Variants in SCLT1 observed in about 807,000 individuals in gnomAD.
SCLT1 encodes the protein sodium channel and clathrin linker 1.
SCLT1 carries 78 observed loss-of-function variants against 112.8 expected under a neutral mutation model. The ratio of observed to expected loss-of-function variants is 0.69; its 90% CI spans 0.58 to 0.83. SCLT1 has a LOEUF of 0.83. SCLT1 is among the 40% of genes least tolerant of loss of function. The pLI is 0.00. For synonymous variants in SCLT1, 257 were observed against 254.7 expected (o/e 1.01, Z -0.09); for missense variants, 747 against 770.4 (o/e 0.97, Z 0.36).
chr4:128,921,628 T>A (rs897711769), intron 18 of SCLT1, among the ~76,000 whole-genome samples: 21 of 152,060 alleles, frequency 1.4e-4, no homozygotes, highest in Admixed American at 5.2e-4. Context: ...ACCCCTAATA[T>A]CATATACACA....
chr4:128,915,906 G>A (rs1410574795), intron 18 of SCLT1, among the ~76,000 whole-genome samples: 1 of 152,222 alleles, frequency 6.6e-6, no homozygotes, highest in African/African-American at 2.4e-5. Context: ...TGACAGTGAT[G>A]AATGCTAGGA....
At chr4:129,067,598 C>T (rs1006457642) in intron 2 of SCLT1, among the ~76,000 whole-genome samples, 2 of 152,040 alleles carry the variant, frequency 1.3e-5, no homozygotes, top group African/African-American at 4.8e-5. Context: ...GCAACAGCCA[C>T]CTCCCTGGTT....
intron 1 of SCLT1, among the ~76,000 whole-genome samples, chr4:129,091,059 T>C (rs563474304): frequency 2.0e-5 from 3 of 152,106 alleles, no homozygotes; most frequent in Non-Finnish European, 4.4e-5. Context: ...GAAATCAGTG[T>C]AGAAAAAGTC....
intron 5 of SCLT1, among the ~76,000 whole-genome samples, chr4:129,030,996 C>A (rs1746668900): frequency 6.6e-6 from 1 of 151,900 alleles, no homozygotes; most frequent in Non-Finnish European, 1.5e-5. Context: ...CGTCCTGATA[C>A]CAAAACCAGA....
chr4:129,042,397 T>G (rs537129700), intron 4 of SCLT1, among the ~76,000 whole-genome samples: 2 of 152,238 alleles, frequency 1.3e-5, no homozygotes, highest in Admixed American at 6.5e-5. Context: ...CTAAACAATT[T>G]TGTGCTATTA....
intron 9 of SCLT1, among the ~76,000 whole-genome samples, chr4:128,983,090 G>A (rs919810054): frequency 2.6e-4 from 39 of 152,008 alleles, no homozygotes; most frequent in Admixed American, 1.4e-3. Flanking sequence ...GTTTCTCCAT[G>A]TTGGTCAGGC....
chr4:129,075,731 T>C (rs1390241768), intron 2 of SCLT1, among the ~76,000 whole-genome samples: 3 of 152,208 alleles, frequency 2.0e-5, no homozygotes, highest in Non-Finnish European at 4.4e-5. Flanking sequence ...TACTGGACAG[T>C]GCCGGTCTAG....
At chr4:129,052,088 T>C (rs751515006) in intron 2 of SCLT1, among the ~76,000 whole-genome samples, 19 of 152,210 alleles carry the variant, frequency 1.2e-4, no homozygotes, top group Admixed American at 2.0e-4. Context: ...GACTTGATGG[T>C]AGATAAACTT....
chr4:128,936,938 T>C (rs1737240044), intron 17 of SCLT1, 87 bp from the exon 18 acceptor site: 3 of 563,364 alleles, frequency 5.3e-6, no homozygotes. Context: ...GAATCATTCA[T>C]TATGTTGTCT....
intron 5 of SCLT1, among the ~76,000 whole-genome samples, chr4:129,012,387 T>C (rs1363365961): frequency 1.3e-5 from 2 of 152,094 alleles, no homozygotes; most frequent in African/African-American, 2.4e-5. Flanking sequence ...GTTTGAGAGA[T>C]TGTTATGATT....
At chr4:128,956,806 A>G (rs530670322) in intron 13 of SCLT1, among the ~76,000 whole-genome samples, 2 of 152,288 alleles carry the variant, frequency 1.3e-5, no homozygotes, top group East Asian at 3.9e-4. Context: ...GGAGGGCTAT[A>G]CAGTATATCC....
At chr4:129,013,771 A>G (rs1198497381) in intron 5 of SCLT1, among the ~76,000 whole-genome samples, 1 of 152,146 alleles carries the variant, frequency 6.6e-6, no homozygotes, top group Non-Finnish European at 1.5e-5. Context: ...GTAAAATCTG[A>G]TGATTATGTG....
intron 2 of SCLT1, among the ~76,000 whole-genome samples, chr4:129,052,299 G>A (rs1209112562): frequency 1.3e-5 from 2 of 152,138 alleles, no homozygotes; most frequent in East Asian, 1.9e-4. Flanking sequence ...AGAAGGAATT[G>A]TACCAGCTCC....
At chr4:129,025,413 G>C (rs1439038850) in intron 5 of SCLT1, among the ~76,000 whole-genome samples, 1 of 152,120 alleles carries the variant, frequency 6.6e-6, no homozygotes, top group Non-Finnish European at 1.5e-5. Flanking sequence ...TTAAAGAAAA[G>C]AATTTTCAAC....
At chr4:128,937,208 G>A (rs563541045) in intron 17 of SCLT1, among the ~76,000 whole-genome samples, 3 of 151,814 alleles carry the variant, frequency 2.0e-5, no homozygotes, top group Non-Finnish European at 4.4e-5. Context: ...AACCCAGGAG[G>A]TGGGGGTTGC....
At chr4:128,918,676 A>G in intron 18 of SCLT1, among the ~76,000 whole-genome samples, 1 of 152,160 alleles carries the variant, frequency 6.6e-6, no homozygotes. Flanking sequence ...ACTGTATGTG[A>G]TCTACAAGGA....
At chr4:129,023,631 G>T (rs909154599) in intron 5 of SCLT1, among the ~76,000 whole-genome samples, 1 of 152,196 alleles carries the variant, frequency 6.6e-6, no homozygotes, top group Admixed American at 6.5e-5. Flanking sequence ...GGTGATTTCT[G>T]CATTTCCATC....
At chr4:128,985,476 G>C (rs767560080) in intron 9 of SCLT1, among the ~76,000 whole-genome samples, 9 of 152,070 alleles carry the variant, frequency 5.9e-5, no homozygotes, top group Non-Finnish European at 1.2e-4. Flanking sequence ...CCTGATTGCT[G>C]TAACTTTTGA....
At position 128,964,581 on chromosome 4, in the gene SCLT1, C is replaced by A. The variant is rs528403200; in HGVS notation, c.869+646G>T. ...TCTACATTTAGCTCTTGAAGCTAAT[C>A]CTTTTTGTAGGATTTATGGTTCATG... On this transcript the variant is annotated intron_variant, in intron 11 of 20. Transcript: ENST00000281142. Among the ~76,000 whole-genome samples the A allele has an allele frequency of 2.0e-5, 3 of 152,254 alleles. No homozygotes were observed. In the South Asian group the frequency reaches 6.2e-4, roughly 32 times the overall value.
Sources: allele counts gnomAD v4.1 joint callset (sites outside exome capture counted in the v4.1 genomes callset), GRCh38; gene constraint gnomAD v4.1.1; transcripts MANE v1.5; gene names NCBI Gene and HGNC (gene_info 2026-07-23, HGNC 2026-07-21).